The following MAT2A variants were observed in gnomAD, a reference collection of about 807,000 sequenced individuals.
MAT2A encodes S-adenosylmethionine synthase isoform type-2.
MAT2A carries 3 observed loss-of-function variants against 43.9 expected under a neutral mutation model. The ratio of observed to expected loss-of-function variants is 0.07; its 90% confidence interval spans 0.03 to 0.18. The LOEUF is 0.18. MAT2A is among the 10% of genes least tolerant of loss of function. The pLI, the probability that MAT2A is intolerant of heterozygous loss-of-function variation, is 1.00. For missense variants in MAT2A, 204 were observed against 489.0 expected (o/e 0.42, Z 5.50); for synonymous variants, 200 against 168.4 (o/e 1.19, Z -1.45).
At chr2:85,542,444 C>G (rs1230060215) in intron 6 of MAT2A, 71 bp downstream of exon 6, 3 of 1,558,490 alleles carry the variant, frequency 1.9e-6, no homozygotes, top group East Asian at 4.5e-5. Context: ...ACATTTTTTT[C>G]AGGCTTTCTG....
chr2:85,542,998 A>G lies in MAT2A; in HGVS notation c.1049A>G (p.Lys350Arg), dbSNP rs371262419. ...GAGAGAGAGCTATTAGAGATTGTGA[A>G]GAAGAATTTCGATCTCCGCCCTGGG... Reference protein sequence around the residue: ...KSERELLEIVKKNFDLRPGVI... With the variant: ...KSERELLEIVRKNFDLRPGVI... Residue 350 changes from lysine (K) to arginine (R), a missense_variant, in exon 8 of 9, where the codon AAG becomes AGG. Physicochemically the swap from Lys to Arg is conservative, Grantham distance 26. Around this residue, in one of 6 missense-constraint regions of MAT2A, gnomAD observed 45 missense variants for 106.8 expected, o/e 0.42. Transcript: ENST00000306434. The G allele has an allele frequency of 1.9e-6, 3 of 1,613,396 alleles. No individual in the cohort carries two copies. In the African/African-American group the frequency reaches 4.0e-5, roughly 22 times the overall value.
Position 85,542,890 on chromosome 2 carries a change from A to G in MAT2A, c.952-11A>G, listed in dbSNP as rs1258343593. ...CAATCACTGATTCTTACGACATTTGAATCCTTTTAGGTCTCTTATGCTATT... is the reference window on the plus strand; with the variant it reads ...CAATCACTGATTCTTACGACATTTGGATCCTTTTAGGTCTCTTATGCTATT... On this transcript the variant is annotated splice_polypyrimidine_tract_variant and intron_variant, in intron 7 of 8. Coordinates refer to ENST00000306434, the MANE Select transcript of MAT2A (RefSeq NM_005911.6). 3 of 1,608,902 alleles carry G rather than the reference A, an allele frequency of 1.9e-6. No individual in the cohort carries two copies. The African/African-American group carries it at 4.0e-5, about 22-fold the overall frequency.
chr2:85,542,455 AAACCT>A, intron 6 of MAT2A, 82 bp downstream of exon 6: 4 of 1,544,528 alleles, frequency 2.6e-6, no homozygotes, highest in Non-Finnish European at 2.7e-6. Context: ...AGGCTTTCTG[AAACCT>A]ACATGTGAAT....
In MAT2A at chr2:85,541,289, T is replaced by C. The variant is rs1691470550; in HGVS notation, c.204T>C (p.Ala68=). The C allele has an allele frequency of 1.2e-6, 2 of 1,614,098 alleles. No homozygotes were observed. Among genetic ancestry groups the C allele is most frequent in the Admixed American group, 3.3e-5 (2 of 60,014 alleles). Residue 68 remains alanine (A), a synonymous_variant, in exon 3 of 9, where the codon GCT becomes GCC. Transcript: ENST00000306434. ...CTAAAACTGGAATGATCCTTCTTGCTGGGGAAATTACATCCAGAGCTGCTG... is the reference window on the plus strand; with the variant it reads ...CTAAAACTGGAATGATCCTTCTTGCCGGGGAAATTACATCCAGAGCTGCTG... ...TVAKTGMILL[A]GEITSRAAVD...
rs143344527 is a variant in MAT2A at position 85,539,168 on chromosome 2, G to T, written c.-120G>T. ...ACCGGGCCGCACCGCCCGCTGCTTC[G>T]TTCGCTCCGCGCCGCCCGCCTGCTA... On this transcript the variant is annotated 5_prime_UTR_variant, in exon 1 of 9. Transcript: ENST00000306434. 2.0e-5 allele frequency: 15 copies of T among 735,466 alleles called. No homozygotes were observed. Among genetic ancestry groups the T allele is most frequent in the South Asian group, 1.2e-4 (7 of 56,494 alleles). The allele number at this position is 735,466 out of a possible 1,614,324, so 45.6% of individuals were successfully genotyped here.
At chr2:85,540,387 GA>G (rs1691443051) in intron 1 of MAT2A, among the ~76,000 whole-genome samples, 1 of 152,210 alleles carries the variant, frequency 6.6e-6, no homozygotes, top group Admixed American at 6.5e-5. Context: ...GGTATGAGAG[GA>G]CAAACCCAGG....
rs1260713803 is a variant in MAT2A, at chr2:85,544,837, A to G, written c.*1065A>G. On this transcript the variant is annotated 3_prime_UTR_variant, in exon 9 of 9. Coordinates refer to ENST00000306434, the MANE Select transcript of MAT2A (RefSeq NM_005911.6). Reference sequence around the variant, plus strand: ...CAGTGCTTTTGGCGGGGAGGAGGAAATCCCTTCATACTTGAACGTTTTCTA... The same window carrying G: ...CAGTGCTTTTGGCGGGGAGGAGGAAGTCCCTTCATACTTGAACGTTTTCTA... 6.6e-6 allele frequency: 1 copy of G among 152,628 alleles called. No homozygotes were observed. The highest frequency in any genetic ancestry group is 1.5e-5 in the Non-Finnish European group (1 of 68,038). 9.5% of individuals were successfully genotyped at this position (152,628 alleles called of 1,614,324 possible). A position where few individuals can be genotyped will look rare whatever the true frequency, so the allele number is the denominator to read the frequency against.
At chr2:85,540,459 C>G (rs1367191784) in intron 1 of MAT2A, among the ~76,000 whole-genome samples, 2 of 152,250 alleles carry the variant, frequency 1.3e-5, no homozygotes, top group Admixed American at 6.5e-5. Context: ...AAGTTCAGAG[C>G]CTGCAGTCTG....
In MAT2A at chr2:85,542,302, G is replaced by T; in HGVS notation, c.697G>T (p.Ala233Ser). The change falls in exon 6 of 9, where the codon GCG (alanine) becomes TCG (serine). Residue 233 changes from alanine (A) to serine (S), a missense_variant. Physicochemically the swap from Ala to Ser is moderately conservative, Grantham distance 99 (BLOSUM62 1). Transcript: ENST00000306434. The stretch of plus-strand genomic sequence containing the variant: ...GAAAGTCATCAAAGCAGTTGTGCCT[G>T]CGAAATACCTTGATGAGGATACAAT... ...KEKVIKAVVPAKYLDEDTIYH... is the reference protein window; with the variant it reads ...KEKVIKAVVPSKYLDEDTIYH... 1 of 1,614,212 alleles carries T rather than the reference G, an allele frequency of 6.2e-7. No homozygotes were observed. The highest frequency in any genetic ancestry group is 8.5e-7 in the Non-Finnish European group (1 of 1,180,038).
At position 85,543,937 on chromosome 2, in the gene MAT2A, T is replaced by C. The variant is rs1249259783; in HGVS notation, c.*165T>C. The C allele has an allele frequency of 1.2e-5, 7 of 567,004 alleles. No individual in the cohort carries two copies. Among genetic ancestry groups the C allele is most frequent in the Middle Eastern group, 9.4e-4 (2 of 2,124 alleles). The allele number at this position is 567,004 out of a possible 1,614,324, so 35.1% of individuals were successfully genotyped here. A position where few individuals can be genotyped will look rare whatever the true frequency, so the allele number is the denominator to read the frequency against. Reference sequence around the variant, plus strand: ...ATGAATTTTAGCTTTTGTGGGGGACTGTAAGTTGGGCTTGCTATTCTGTCC... The same window carrying C: ...ATGAATTTTAGCTTTTGTGGGGGACCGTAAGTTGGGCTTGCTATTCTGTCC... On this transcript the variant is annotated 3_prime_UTR_variant, in exon 9 of 9. Coordinates refer to ENST00000306434, the MANE Select transcript of MAT2A (RefSeq NM_005911.6).
intron 5 of MAT2A, 64 bp from the exon 6 acceptor site, chr2:85,542,091 G>A: frequency 2.5e-6 from 4 of 1,582,250 alleles, no homozygotes; most frequent in South Asian, 1.1e-5. Flanking sequence ...GTAACTTCAG[G>A]TAGAGAAACA....
Position 85,543,969 on chromosome 2 carries a change from G to T in MAT2A, c.*197G>T. 1 of 503,098 alleles carries T rather than the reference G, an allele frequency of 2.0e-6. No homozygotes were observed. The allele number at this position is 503,098 out of a possible 1,614,324, so 31.2% of individuals were successfully genotyped here. A position where few individuals can be genotyped will look rare whatever the true frequency, so the allele number is the denominator to read the frequency against. The stretch of plus-strand genomic sequence containing the variant: ...TGGGCTTGCTATTCTGTCCCTAGGT[G>T]TTTTGTTCACCATTATAATGAATTT... On this transcript the variant is annotated 3_prime_UTR_variant, in exon 9 of 9. Transcript: ENST00000306434.
At position 85,542,550 on chromosome 2, in the gene MAT2A, A is replaced by AT; in HGVS notation, c.769-14dup. ...AAGCACTAGGCGTAAAGTAACTTAA[A>AT]TCCTGTAATTTCAGGGTGATGCTGG... On this transcript the variant is annotated splice_polypyrimidine_tract_variant and intron_variant, in intron 6 of 8. Coordinates refer to ENST00000306434, the MANE Select transcript of MAT2A (RefSeq NM_005911.6). The AT allele has an allele frequency of 1.9e-6, 3 of 1,611,838 alleles. No individual in the cohort carries two copies. The highest frequency in any genetic ancestry group is 2.5e-6 in the Non-Finnish European group (3 of 1,178,334).
At position 85,539,293 on chromosome 2, in the gene MAT2A, C is replaced by T. The variant is rs781289274; in HGVS notation, c.6C>T (p.Asn2=). The T allele has an allele frequency of 3.1e-6, 5 of 1,603,630 alleles. No individual in the cohort carries two copies. Among genetic ancestry groups the T allele is most frequent in the Admixed American group, 1.7e-5 (1 of 58,938 alleles). Reference sequence around the variant, plus strand: ...TTCCGCACACCGACACCAACATGAACGGACAGCTCAACGGCTTCCACGAGG... The same window carrying T: ...TTCCGCACACCGACACCAACATGAATGGACAGCTCAACGGCTTCCACGAGG... The part of the protein sequence containing the change: M[N]GQLNGFHEAF... Residue 2 remains asparagine (N), a synonymous_variant, in exon 1 of 9, where the codon AAC becomes AAT. Transcript: ENST00000306434.
Position 85,539,342 on chromosome 2 carries a change from C to G in MAT2A, c.55C>G (p.Leu19Val). The change falls in exon 1 of 9, where the codon CTT becomes GTT. Residue 19 changes from leucine (L) to valine (V), a missense_variant. Transcript: ENST00000306434. ...HEAFIEEGTF[L>V]FTSESVGEGH... ...GGCGTTCATCGAGGAGGGCACATTCCTTTTCACCTCAGAGTCGGTCGGGGA... is the reference window on the plus strand; with the variant it reads ...GGCGTTCATCGAGGAGGGCACATTCGTTTTCACCTCAGAGTCGGTCGGGGA... 1 of 1,606,522 alleles carries G rather than the reference C, an allele frequency of 6.2e-7. No homozygotes were observed.
intron 1 of MAT2A, 98 bp from the exon 2 acceptor site, chr2:85,540,984 CA>C: frequency 3.9e-6 from 3 of 765,052 alleles, no homozygotes; most frequent in Non-Finnish European, 4.4e-6. Context: ...TTAAAATCTC[CA>C]AAGATTTTAC....
At chr2:85,543,056 G>A (rs931480283) in intron 8 of MAT2A, 22 bp downstream of exon 8, 1 of 1,609,246 alleles carries the variant, frequency 6.2e-7, no homozygotes, top group Non-Finnish European at 8.5e-7. Flanking sequence ...AAAGCCTGTT[G>A]CTAGTCAAGT....
At position 85,543,880 on chromosome 2, in the gene MAT2A, C is replaced by G; in HGVS notation, c.*108C>G. The G allele has an allele frequency of 4.6e-6, 3 of 651,408 alleles. No individual in the cohort carries two copies. The South Asian group carries it at 5.9e-5, about 13-fold the overall frequency. The allele number at this position is 651,408 out of a possible 1,614,324, so 40.4% of individuals were successfully genotyped here. On this transcript the variant is annotated 3_prime_UTR_variant, in exon 9 of 9. Transcript: ENST00000306434. ...TAAATTTTCCTGTCCTCTTTCAGCTCCTGACCAGTTGCAGTCACTCTAGTC... is the reference window on the plus strand; with the variant it reads ...TAAATTTTCCTGTCCTCTTTCAGCTGCTGACCAGTTGCAGTCACTCTAGTC...
rs1193869470 is a variant in MAT2A, at chr2:85,542,605, C to G, written c.809C>G (p.Thr270Ser). 6.2e-7 allele frequency: 1 copy of G among 1,614,032 alleles called. No homozygotes were observed. The highest frequency in any genetic ancestry group is 1.1e-5 in the South Asian group (1 of 91,062). The stretch of plus-strand genomic sequence containing the variant: ...ACTGGACGCAAAATCATTGTGGACA[C>G]TTATGGCGGTTGGGGTGCTCATGGA... ...GLTGRKIIVD[T>S]YGGWGAHGGG... Residue 270 changes from threonine (T) to serine (S), a missense_variant, in exon 7 of 9, where the codon ACT (threonine) becomes AGT (serine). Thr to Ser is a moderately conservative substitution (Grantham distance 58). Around this residue, in one of 6 missense-constraint regions of MAT2A, gnomAD observed 8 missense variants for 73.1 expected, o/e 0.11. Transcript: ENST00000306434.
Sources: gnomAD v4.1 joint callset for allele counts (sites outside exome capture counted in the v4.1 genomes callset) on GRCh38, gnomAD v4.1.1 for gene constraint, gnomAD v4.1.1 regional missense constraint, MANE v1.5 for transcripts, NCBI Gene and HGNC (gene_info 2026-07-23, HGNC 2026-07-21) for gene names.